Variants in CYTL1 observed in about 807,000 individuals in gnomAD.
CYTL1 encodes the protein cytokine-like protein 1.
A neutral mutation model predicts 13.1 loss-of-function variants in CYTL1; 17 were observed. The observed-to-expected ratio is 1.29, with a 90% confidence interval of 0.89 to 1.94. The LOEUF (loss-of-function observed/expected upper bound fraction) is 1.94, where lower values mean the gene tolerates loss of function less well. Ranked by LOEUF, CYTL1 falls within the 30% of genes most tolerant of loss-of-function variation. The pLI, the probability that CYTL1 is intolerant of heterozygous loss-of-function variation, is 0.00. For missense variants in CYTL1, 213 were observed against 174.8 expected (o/e 1.22, Z -1.23); for synonymous variants, 91 against 79.4 (o/e 1.15, Z -0.78).
At chr4:5,017,718 C>T (rs370541043) in intron 1 of CYTL1, among the ~76,000 whole-genome samples, 6 of 151,668 alleles carry the variant, frequency 4.0e-5, no homozygotes, top group South Asian at 2.1e-4. Context: ...TACATAAGTA[C>T]GATATATGTA....
chr4:5,018,973 C>T (rs1443695942), intron 1 of CYTL1, among the ~76,000 whole-genome samples: 1 of 150,878 alleles, frequency 6.6e-6, no homozygotes, highest in Non-Finnish European at 1.5e-5. Flanking sequence ...TTTTTCTCCC[C>T]ATCCTCCCAC....
chr4:5,015,194 T>C lies in CYTL1; in HGVS notation c.368A>G (p.Tyr123Cys), dbSNP rs758050570. The C allele has an allele frequency of 6.2e-7, 1 of 1,613,950 alleles. No homozygotes were observed. The highest frequency in any genetic ancestry group is 2.2e-5 in the East Asian group (1 of 44,876). The stretch of plus-strand genomic sequence containing the variant: ...CAGGACCGTAGTCACTGGGATTGGG[T>C]ATTCCAAGGCATTGCAGTCATCCAA... ...FLLDDCNALE[Y>C]PIPVTTVLPD... Residue 123 changes from tyrosine to cysteine, a missense_variant, in exon 4 of 4, where the codon TAC (tyrosine) becomes TGC (cysteine). Physicochemically the swap from Tyr to Cys is radical, Grantham distance 194 (BLOSUM62 -2). Coordinates refer to ENST00000307746, the MANE Select transcript of CYTL1 (RefSeq NM_018659.3).
Position 5,019,386 on chromosome 4 carries a change from C to A in CYTL1, c.60G>T (p.Ala20=). Residue 20 remains alanine (A), a synonymous_variant, in exon 1 of 4, where the codon GCG becomes GCT. Transcript: ENST00000307746. The part of the protein sequence containing the change: ...LLLLLAGAPA[A]RPTPPTCYSR... ...AGTAGCAGGTCGGGGGAGTGGGCCGCGCGGCGGGGGCTCCCGCCAGGAGCA... is the reference window on the plus strand; with the variant it reads ...AGTAGCAGGTCGGGGGAGTGGGCCGAGCGGCGGGGGCTCCCGCCAGGAGCA... The A allele has an allele frequency of 6.7e-7, 1 of 1,499,802 alleles. No individual in the cohort carries two copies. Among genetic ancestry groups the A allele is most frequent in the South Asian group, 1.3e-5 (1 of 76,366 alleles). 92.9% of individuals were successfully genotyped at this position (1,499,802 alleles called of 1,614,324 possible).
intron 1 of CYTL1, 61 bp from the exon 2 acceptor site, chr4:5,017,240 T>C: frequency 6.4e-7 from 1 of 1,553,848 alleles, no homozygotes; most frequent in East Asian, 2.2e-5. Flanking sequence ...CACAAAAGTC[T>C]CCCTAGTGGC....
intron 1 of CYTL1, 72 bp downstream of exon 1, chr4:5,019,221 T>A: frequency 8.0e-7 from 1 of 1,250,574 alleles, no homozygotes; most frequent in Non-Finnish European, 1.0e-6. Flanking sequence ...CTCTTTTTTT[T>A]TTCGTGTAAA....
Position 5,015,890 on chromosome 4 carries a change from C to T in CYTL1, c.328-656G>A, listed in dbSNP as rs138234884. Among the ~76,000 whole-genome samples, 555 of 152,264 alleles carry T rather than the reference C, an allele frequency of 3.6e-3. 1 individual carries two copies. Among genetic ancestry groups the T allele is most frequent in the Non-Finnish European group, 5.4e-3 (364 of 68,024 alleles). On this transcript the variant is annotated intron_variant, in intron 3 of 3. Coordinates refer to ENST00000307746, the MANE Select transcript of CYTL1 (RefSeq NM_018659.3). ...TAAGGGTGTAATTATTATTATCCAC[C>T]TCATGAGATGGGCACTACCATGTCC...
At chr4:5,015,540 T>G (rs768350738) in intron 3 of CYTL1, among the ~76,000 whole-genome samples, 4 of 152,216 alleles carry the variant, frequency 2.6e-5, no homozygotes, top group Non-Finnish European at 5.9e-5. Flanking sequence ...GAATGAACCT[T>G]AGTTGCTGAG....
Position 5,019,319 on chromosome 4 carries a change from T to C in CYTL1, c.127A>G (p.Asn43Asp). 5 of 1,507,508 alleles carry C rather than the reference T, an allele frequency of 3.3e-6. No homozygotes were observed. The highest frequency in any genetic ancestry group is 1.7e-4 in the Middle Eastern group (1 of 5,770). The allele number at this position is 1,507,508 out of a possible 1,614,324, so 93.4% of individuals were successfully genotyped here. A position where few individuals can be genotyped will look rare whatever the true frequency, so the allele number is the denominator to read the frequency against. The part of the protein sequence containing the change: ...ALSQEITRDF[N>D]LLQVSEPSEP... ...GAGGGCTCCGAGACCTGCAGGAGGT[T>C]GAAGTCGCGGGTGATCTCCTGGCTC... The change falls in exon 1 of 4, where the codon AAC becomes GAC. Residue 43 changes from asparagine to aspartate, a missense_variant. Transcript: ENST00000307746.
intron 3 of CYTL1, 143 bp downstream of exon 3, chr4:5,016,693 G>C (rs1741079454): frequency 1.9e-6 from 2 of 1,040,102 alleles, no homozygotes; most frequent in Non-Finnish European, 2.8e-6. Context: ...GGTTGAGAAA[G>C]GGCTTTGTGA....
At position 5,017,145 on chromosome 4, in the gene CYTL1, A is replaced by G; in HGVS notation, c.188T>C (p.Leu63Pro). 6.2e-7 allele frequency: 1 copy of G among 1,614,026 alleles called. No homozygotes were observed. The highest frequency in any genetic ancestry group is 8.5e-7 in the Non-Finnish European group (1 of 1,179,954). Residue 63 changes from leucine to proline, a missense_variant, in exon 2 of 4, where the codon CTG becomes CCG. Coordinates refer to ENST00000307746, the MANE Select transcript of CYTL1 (RefSeq NM_018659.3). ...PCVRYLPRLY[L>P]DIHNYCVLDK... Reference sequence around the variant, plus strand: ...GGAGAACCCTCTTACGTGTATGTCCAGGTACAGCCTGGGCAGGTATCTCAC... The same window carrying G: ...GGAGAACCCTCTTACGTGTATGTCCGGGTACAGCCTGGGCAGGTATCTCAC...
intron 1 of CYTL1, among the ~76,000 whole-genome samples, chr4:5,018,565 C>T (rs183709965): frequency 1.5e-3 from 226 of 152,334 alleles, no homozygotes; most frequent in African/African-American, 5.0e-3. Flanking sequence ...CATTTTGTTT[C>T]GACGGAGAAG....
rs181452793 is a variant in CYTL1 at position 5,015,112 on chromosome 4, C to A, written c.*39G>T. The A allele has an allele frequency of 6.4e-7, 1 of 1,568,354 alleles. No individual in the cohort carries two copies. The highest frequency in any genetic ancestry group is 8.8e-7 in the Non-Finnish European group (1 of 1,139,890). On this transcript the variant is annotated 3_prime_UTR_variant, in exon 4 of 4. Coordinates refer to ENST00000307746, the MANE Select transcript of CYTL1 (RefSeq NM_018659.3). The stretch of plus-strand genomic sequence containing the variant: ...CATTAAGTCTGGGTAGCTGACATAA[C>A]TGTAGTTCTCTTGGGTTCTTTCTCT...
In CYTL1 at chr4:5,015,069, A is replaced by G; in HGVS notation, c.*82T>C. On this transcript the variant is annotated 3_prime_UTR_variant, in exon 4 of 4. Coordinates refer to ENST00000307746, the MANE Select transcript of CYTL1 (RefSeq NM_018659.3). The stretch of plus-strand genomic sequence containing the variant: ...AGATACAACTAACACAAGACCTGTG[A>G]GGGTCATGGCTCTGGCCCATTAAGT... 1.8e-6 allele frequency: 2 copies of G among 1,109,932 alleles called. No individual in the cohort carries two copies. Among genetic ancestry groups the G allele is most frequent in the Non-Finnish European group, 2.7e-6 (2 of 728,334 alleles). The allele number at this position is 1,109,932 out of a possible 1,614,324, so 68.8% of individuals were successfully genotyped here.
chr4:5,016,581 T>C (rs904137791), intron 3 of CYTL1, among the ~76,000 whole-genome samples: 1 of 152,178 alleles, frequency 6.6e-6, no homozygotes, highest in Non-Finnish European at 1.5e-5. Flanking sequence ...AGTCTATCTA[T>C]GTGGCTGGGG....
At position 5,016,777 on chromosome 4, in the gene CYTL1, G is replaced by T. The variant is rs541275163; in HGVS notation, c.327+59C>A. On this transcript the variant is annotated intron_variant, in intron 3 of 3. Coordinates refer to ENST00000307746, the MANE Select transcript of CYTL1 (RefSeq NM_018659.3). ...TCCTCCCAACTCTCCTCTTTGAAAA[G>T]CTCAGAAAGTCTTGGCTGATAGCAA... 3.1e-5 allele frequency: 49 copies of T among 1,601,478 alleles called. No homozygotes were observed. In the African/African-American group the frequency reaches 4.9e-4, roughly 16 times the overall value.
chr4:5,018,657 C>T (rs1487449266), intron 1 of CYTL1, among the ~76,000 whole-genome samples: 1 of 152,222 alleles, frequency 6.6e-6, no homozygotes, highest in Non-Finnish European at 1.5e-5. Context: ...CTCTGAAGAT[C>T]GTGCTCACAT....
intron 1 of CYTL1, among the ~76,000 whole-genome samples, 162 bp downstream of exon 1, chr4:5,019,131 T>G (rs972433083): frequency 6.6e-6 from 1 of 151,916 alleles, no homozygotes; most frequent in Non-Finnish European, 1.5e-5. Flanking sequence ...GGTATCATAT[T>G]TAAAAGGAGA....
At chr4:5,016,711 G>T (rs775596651) in intron 3 of CYTL1, 125 bp downstream of exon 3, 44 of 1,215,900 alleles carry the variant, frequency 3.6e-5, no homozygotes, top group Non-Finnish European at 4.9e-5. Flanking sequence ...TGAACTGAAA[G>T]CATCTGCGAA....
chr4:5,017,724 A>G (rs1741105900), intron 1 of CYTL1, among the ~76,000 whole-genome samples: 1 of 151,990 alleles, frequency 6.6e-6, no homozygotes, highest in Non-Finnish European at 1.5e-5. Flanking sequence ...AGTACGATAT[A>G]TGTAATAATA....
Sources: gnomAD v4.1 joint callset for allele counts (sites outside exome capture counted in the v4.1 genomes callset) on GRCh38, gnomAD v4.1.1 for gene constraint, MANE v1.5 for transcripts, NCBI Gene and HGNC (gene_info 2026-07-23, HGNC 2026-07-21) for gene names.